FSTL5: variants seen among roughly 807,000 people sequenced by gnomAD.
The protein encoded by FSTL5 is follistatin like 5.
In FSTL5, 62 loss-of-function variants were observed where a neutral mutation model predicts 89.1. The ratio of observed to expected loss-of-function variants is 0.70; its 90% CI spans 0.57 to 0.86. FSTL5 has a LOEUF of 0.86. FSTL5 is among the 40% of genes least tolerant of loss of function. The pLI is 0.00. For synonymous variants in FSTL5, 383 were observed against 346.2 expected (o/e 1.11, Z -1.18); for missense variants, 1,057 against 1,001.6 (o/e 1.06, Z -0.75).
At chr4:161,814,960 G>C (rs1175042018) in intron 4 of FSTL5, among the ~76,000 whole-genome samples, 1 of 151,866 alleles carries the variant, frequency 6.6e-6, no homozygotes, top group Non-Finnish European at 1.5e-5. Context: ...ACATCTATAG[G>C]ATCATACAAT....
At chr4:161,430,233 C>G (rs1238507345) in intron 15 of FSTL5, among the ~76,000 whole-genome samples, 1 of 151,572 alleles carries the variant, frequency 6.6e-6, no homozygotes, top group African/African-American at 2.4e-5. Context: ...TGAAGCACAT[C>G]TACGAGATCT....
chr4:161,838,224 G>A (rs751243917), intron 4 of FSTL5, among the ~76,000 whole-genome samples: 10 of 152,164 alleles, frequency 6.6e-5, no homozygotes, highest in Non-Finnish European at 1.3e-4. Context: ...ACAAAGGTAA[G>A]AAATTGTATG....
intron 15 of FSTL5, among the ~76,000 whole-genome samples, chr4:161,433,570 C>G (rs1407135273): frequency 6.6e-6 from 1 of 151,612 alleles, no homozygotes; most frequent in East Asian, 1.9e-4. Flanking sequence ...AGCAATCAAA[C>G]AAGAGAAAGA....
intron 13 of FSTL5, among the ~76,000 whole-genome samples, chr4:161,475,224 T>C (rs1385221343): frequency 6.6e-6 from 1 of 152,208 alleles, no homozygotes; most frequent in Non-Finnish European, 1.5e-5. Flanking sequence ...CATGTCTTGA[T>C]GTTGGTCACT....
intron 2 of FSTL5, among the ~76,000 whole-genome samples, chr4:162,075,996 C>T (rs1376511860): frequency 6.6e-6 from 1 of 151,804 alleles, no homozygotes; most frequent in African/African-American, 2.4e-5. Context: ...CAGAGTATTC[C>T]CAATAAGACA....
At chr4:161,936,829 C>A (rs1734445777) in intron 3 of FSTL5, among the ~76,000 whole-genome samples, 1 of 152,144 alleles carries the variant, frequency 6.6e-6, no homozygotes. Context: ...CAGCCTCTGG[C>A]AGGAATGTTG....
Position 162,044,341 on chromosome 4 carries a change from T to C in FSTL5, c.127-10683A>G, listed in dbSNP as rs139036630. 4.7e-3 allele frequency among the ~76,000 whole-genome samples: 708 copies of C among 152,228 alleles called. 5 individuals carry two copies. Among genetic ancestry groups the C allele is most frequent in the African/African-American group, 0.015 (642 of 41,550 alleles). ...GGTACATTGTGAAAGAGGAGTAATA[T>C]TTTAAAAGGAATCTTTTTTCTGAGC... On this transcript the variant is annotated intron_variant, in intron 2 of 15. Coordinates refer to ENST00000306100, the MANE Select transcript of FSTL5 (RefSeq NM_020116.5).
chr4:161,843,438 G>A (rs945359745), intron 4 of FSTL5, among the ~76,000 whole-genome samples: 3 of 152,098 alleles, frequency 2.0e-5, no homozygotes, highest in Non-Finnish European at 2.9e-5. Flanking sequence ...ATTTCCTTGA[G>A]CAGTAGTTTG....
At chr4:162,060,788 T>G (rs1164474779) in intron 2 of FSTL5, among the ~76,000 whole-genome samples, 1 of 152,048 alleles carries the variant, frequency 6.6e-6, no homozygotes, top group African/African-American at 2.4e-5. Context: ...TGAGAAAAAT[T>G]TATTTAAAAA....
At chr4:162,002,116 T>G (rs1736481874) in intron 3 of FSTL5, among the ~76,000 whole-genome samples, 1 of 152,194 alleles carries the variant, frequency 6.6e-6, no homozygotes, top group Admixed American at 6.5e-5. Context: ...TATATAAATA[T>G]GGACTCTACT....
At chr4:161,843,612 C>T (rs569897216) in intron 4 of FSTL5, among the ~76,000 whole-genome samples, 95 of 152,086 alleles carry the variant, frequency 6.2e-4, no homozygotes, top group African/African-American at 1.6e-3. Flanking sequence ...ACCAATGGAC[C>T]GGAAAAGAGG....
At chr4:162,121,248 C>T (rs188530232) in intron 1 of FSTL5, among the ~76,000 whole-genome samples, 1 of 141,290 alleles carries the variant, frequency 7.1e-6, no homozygotes, top group Admixed American at 7.0e-5. Flanking sequence ...TTTACTAAAA[C>T]TTAGCCAAGG....
chr4:161,537,490 C>A (rs1731663270), intron 10 of FSTL5, among the ~76,000 whole-genome samples: 2 of 152,150 alleles, frequency 1.3e-5, no homozygotes, highest in South Asian at 4.1e-4. Flanking sequence ...AACAATTCGG[C>A]TATCATAAAA....
At chr4:162,068,293 T>C (rs1437041887) in intron 2 of FSTL5, among the ~76,000 whole-genome samples, 3 of 151,954 alleles carry the variant, frequency 2.0e-5, no homozygotes, top group Non-Finnish European at 2.9e-5. Context: ...GGCACCTGAC[T>C]CCAAACTATA....
intron 7 of FSTL5, among the ~76,000 whole-genome samples, chr4:161,606,240 A>ATTTTTTTTTTTTTTTTTTT (rs71598720): frequency 8.5e-6 from 1 of 117,868 alleles, no homozygotes; most frequent in Non-Finnish European, 1.7e-5. Flanking sequence ...ATTATCTGTG[A>ATTTTTTTTTTTTTTTTTTT]TTTTTTTTTT....
intron 4 of FSTL5, among the ~76,000 whole-genome samples, chr4:161,878,377 G>C (rs1319163618): frequency 6.6e-6 from 1 of 152,052 alleles, no homozygotes; most frequent in Non-Finnish European, 1.5e-5. Context: ...TCAAATCCAA[G>C]AGCTTTGCAA....
chr4:161,711,701 C>G (rs1355374269), intron 6 of FSTL5, among the ~76,000 whole-genome samples: 1 of 151,880 alleles, frequency 6.6e-6, no homozygotes, highest in Non-Finnish European at 1.5e-5. Flanking sequence ...AACAGTATCC[C>G]TTATGAATAT....
chr4:161,610,675 T>C (rs989424322), intron 7 of FSTL5, among the ~76,000 whole-genome samples: 1 of 152,154 alleles, frequency 6.6e-6, no homozygotes, highest in African/African-American at 2.4e-5. Context: ...GATGTTGAAA[T>C]TGAAAACTAG....
chr4:161,842,314 A>C (rs1400892483), intron 4 of FSTL5, among the ~76,000 whole-genome samples: 1 of 152,174 alleles, frequency 6.6e-6, no homozygotes, highest in East Asian at 1.9e-4. Context: ...CAAACTAACT[A>C]TGAGACTAAG....
Sources: allele counts gnomAD v4.1 joint callset (sites outside exome capture counted in the v4.1 genomes callset), GRCh38; gene constraint gnomAD v4.1.1; transcripts MANE v1.5; gene names NCBI Gene and HGNC (gene_info 2026-07-23, HGNC 2026-07-21).